Variants in ACACB observed in about 807,000 individuals in gnomAD.
ACACB encodes the protein acetyl-CoA carboxylase 2.
In ACACB, 209 loss-of-function variants were observed where a neutral mutation model predicts 278.8. The observed-to-expected ratio is 0.75, with a 90% confidence interval of 0.67 to 0.84. The LOEUF is 0.84. Among genes scored for constraint, ACACB ranks in the 40% least tolerant of loss-of-function variants. The probability of loss-of-function intolerance (pLI) is 0.00; values close to 1 mark genes in which losing one functional copy is unlikely to be tolerated. For synonymous variants in ACACB, 1,174 were observed against 1,285.6 expected (o/e 0.91, Z 1.86); for missense variants, 2,850 against 3,269.0 (o/e 0.87, Z 3.13).
At chr12:109,234,156 C>A in intron 31 of ACACB, 111 bp downstream of exon 31, 1 of 878,712 alleles carries the variant, frequency 1.1e-6, no homozygotes, top group South Asian at 1.5e-5. Flanking sequence ...TTCAGAGCCA[C>A]AGACCTGGCT....
intron 19 of ACACB, among the ~76,000 whole-genome samples, chr12:109,202,545 C>T (rs937950087): frequency 3.9e-5 from 6 of 152,100 alleles, no homozygotes; most frequent in African/African-American, 1.4e-4. Flanking sequence ...GAACTCCTGA[C>T]CTCAGGTGAT....
intron 2 of ACACB, among the ~76,000 whole-genome samples, chr12:109,161,900 T>C (rs1428683098): frequency 6.6e-6 from 1 of 152,204 alleles, no homozygotes; most frequent in Non-Finnish European, 1.5e-5. Context: ...TTAGCATTTT[T>C]TTCCCCCAGA....
intron 2 of ACACB, among the ~76,000 whole-genome samples, chr12:109,159,793 C>T (rs1217747931): frequency 6.6e-6 from 1 of 151,842 alleles, no homozygotes; most frequent in African/African-American, 2.4e-5. Context: ...AAATTTCCCC[C>T]AGTTAAGCAC....
rs769062877 is a variant in ACACB, at chr12:109,216,793, C to T, written c.3440-3C>T. ...CCTCTGTGTGGTGTTTTGTCTCCCC[C>T]AGCCCACTACGACAAGTGTGTGATA... is the stretch of plus-strand genomic sequence containing the variant. On this transcript the variant is annotated splice_region_variant and splice_polypyrimidine_tract_variant and intron_variant, in intron 23 of 52. Transcript: ENST00000338432. The T allele has an allele frequency of 2.4e-4, 393 of 1,613,992 alleles. No individual in the cohort carries two copies. Among genetic ancestry groups the T allele is most frequent in the Non-Finnish European group, 3.1e-4 (369 of 1,180,018 alleles).
intron 26 of ACACB, among the ~76,000 whole-genome samples, chr12:109,223,262 C>T (rs2046226718): frequency 6.6e-6 from 1 of 152,174 alleles, no homozygotes; most frequent in Non-Finnish European, 1.5e-5. Flanking sequence ...GACTCTGGCT[C>T]ATTTACATGT....
intron 1 of ACACB, among the ~76,000 whole-genome samples, chr12:109,119,296 A>ATTTCT (rs1397343069): frequency 6.6e-6 from 1 of 151,984 alleles, no homozygotes; most frequent in African/African-American, 2.4e-5. Flanking sequence ...TACACATAGA[A>ATTTCT]AAGGTCTCTT....
chr12:109,150,924 T>TA (rs1325523467), intron 2 of ACACB, among the ~76,000 whole-genome samples: 1 of 152,184 alleles, frequency 6.6e-6, no homozygotes, highest in Non-Finnish European at 1.5e-5. Context: ...CTTTAGCTCC[T>TA]AAAATGTTTA....
rs1424835824 is a variant in ACACB, at chr12:109,218,183, GA to G, written c.3564+1264del. Among the ~76,000 whole-genome samples, 4 of 152,260 alleles carry G rather than the reference GA, an allele frequency of 2.6e-5. No homozygotes were observed. In the East Asian group the frequency reaches 7.7e-4, roughly 29 times the overall value. ...GTTCTTGTTTCTCTTTCCACTCGAT[GA>G]TAGCAGTCTTTTGTTTTTTGTCTGT... On this transcript the variant is annotated intron_variant, in intron 24 of 52. Coordinates refer to ENST00000338432, the MANE Select transcript of ACACB (RefSeq NM_001093.4).
At chr12:109,221,489 T>G (rs1381077479) in intron 24 of ACACB, among the ~76,000 whole-genome samples, 3 of 152,144 alleles carry the variant, frequency 2.0e-5, no homozygotes, top group Non-Finnish European at 2.9e-5. Context: ...CACCCAGGCC[T>G]GGTCTCCAGC....
intron 24 of ACACB, among the ~76,000 whole-genome samples, chr12:109,220,533 G>GTGT (rs113239494): frequency 1.0e-3 from 155 of 152,088 alleles, no homozygotes; most frequent in African/African-American, 2.2e-3. Flanking sequence ...AAGAAAAATG[G>GTGT]TGTTGTTGTT....
At chr12:109,263,831 CT>C (rs2047442456) in intron 49 of ACACB, 1 of 158,796 alleles carries the variant, frequency 6.3e-6, no homozygotes, top group Admixed American at 6.3e-5. Flanking sequence ...ATAATATTCC[CT>C]TATCATATTT....
rs376208491 is a variant in ACACB at position 109,233,853 on chromosome 12, C to T, written c.4239+6C>T. 2.3e-5 allele frequency: 37 copies of T among 1,613,978 alleles called. No individual in the cohort carries two copies. Among genetic ancestry groups the T allele is most frequent in the Middle Eastern group, 1.6e-4 (1 of 6,084 alleles). Reference sequence around the variant, plus strand: ...ACTCCGAGGATGACTGCAAGGTAAGCGTCTAAGCCCAGGGAGCAACCTGGG... The same window carrying T: ...ACTCCGAGGATGACTGCAAGGTAAGTGTCTAAGCCCAGGGAGCAACCTGGG... On this transcript the variant is annotated splice_donor_region_variant and intron_variant, in intron 30 of 52. Transcript: ENST00000338432.
At chr12:109,176,709 C>T (rs2044293113) in intron 9 of ACACB, among the ~76,000 whole-genome samples, 1 of 152,150 alleles carries the variant, frequency 6.6e-6, no homozygotes, top group Non-Finnish European at 1.5e-5. Context: ...CTCTGCCTTC[C>T]AGGTTCAAAC....
intron 44 of ACACB, 49 bp from the exon 45 acceptor site, chr12:109,256,091 C>T (rs777268473): frequency 1.3e-6 from 2 of 1,556,152 alleles, no homozygotes; most frequent in African/African-American, 1.3e-5. Flanking sequence ...TCCTGGGGGC[C>T]CCCAGCCACC....
In ACACB at chr12:109,127,801, T is replaced by A. The variant is rs1593361739; in HGVS notation, c.-10+11097T>A. ...AAGGCGAAGTTCTTGGATCACACCA[T>A]GGGGTGTGCCTTTTCAAGTCTTACA... is the stretch of plus-strand genomic sequence containing the variant. On this transcript the variant is annotated intron_variant, in intron 1 of 52. Transcript: ENST00000338432. Among the ~76,000 whole-genome samples the A allele has an allele frequency of 2.0e-5, 3 of 152,272 alleles. No homozygotes were observed. In the East Asian group the frequency reaches 5.8e-4, roughly 29 times the overall value.
intron 48 of ACACB, 114 bp downstream of exon 48, chr12:109,260,771 A>G (rs1408104108): frequency 2.9e-5 from 31 of 1,058,542 alleles, no homozygotes; most frequent in Non-Finnish European, 3.8e-5. Flanking sequence ...TAAGTGGTGG[A>G]GAAATGTTGT....
rs371889237 is a variant in ACACB at position 109,232,704 on chromosome 12, T to C, written c.4037T>C (p.Leu1346Pro). Residue 1346 changes from leucine (L) to proline (P), a missense_variant, in exon 29 of 53, where the codon CTG becomes CCG. Physicochemically the swap from Leu to Pro is moderately conservative, Grantham distance 98. This residue lies in a region of ACACB where 2,265 missense variants were observed against 2,561.3 expected (regional missense o/e 0.88). Coordinates refer to ENST00000338432, the MANE Select transcript of ACACB (RefSeq NM_001093.4). ...CCCATCAGCATCACCAACCCTGACC[T>C]GCTGAGGCACAGCACAGAGCTCTTC... ...TVPISITNPD[L>P]LRHSTELFMD... is the part of the protein sequence containing the mutation. 1 of 1,614,182 alleles carries C rather than the reference T, an allele frequency of 6.2e-7. No homozygotes were observed. Among genetic ancestry groups the C allele is most frequent in the South Asian group, 1.1e-5 (1 of 91,082 alleles).
chr12:109,173,944 A>G (rs892815810), intron 6 of ACACB, among the ~76,000 whole-genome samples, 188 bp from the exon 7 acceptor site: 1 of 152,252 alleles, frequency 6.6e-6, no homozygotes, highest in African/African-American at 2.4e-5. Context: ...TGACTGATGC[A>G]ATAGCAGACT....
At position 109,222,827 on chromosome 12, in the gene ACACB, A is replaced by G. The variant is rs777432178; in HGVS notation, c.3707A>G (p.Tyr1236Cys). Reference sequence around the variant, plus strand: ...CTGATTGCCTCCCACCTCCCCTCCTACGAGCTGCGGCATAACCAGGTGGAG... The same window carrying G: ...CTGATTGCCTCCCACCTCCCCTCCTGCGAGCTGCGGCATAACCAGGTGGAG... ...QILIASHLPSYELRHNQVESI... is the reference protein window; with the variant it reads ...QILIASHLPSCELRHNQVESI... Residue 1236 changes from tyrosine (Y) to cysteine (C), a missense_variant, in exon 26 of 53, where the codon TAC (tyrosine) becomes TGC (cysteine). By Grantham distance (194) the Tyr-to-Cys change is radical (BLOSUM62 -2). Coordinates refer to ENST00000338432, the MANE Select transcript of ACACB (RefSeq NM_001093.4). The G allele has an allele frequency of 1.9e-6, 3 of 1,611,640 alleles. No homozygotes were observed. In the South Asian group the frequency reaches 3.3e-5, roughly 18 times the overall value.
Sources: gnomAD v4.1 joint callset for allele counts (sites outside exome capture counted in the v4.1 genomes callset) on GRCh38, gnomAD v4.1.1 for gene constraint, gnomAD v4.1.1 regional missense constraint, MANE v1.5 for transcripts, NCBI Gene and HGNC (gene_info 2026-07-23, HGNC 2026-07-21) for gene names.